Variants in CPED1 observed in about 807,000 individuals in gnomAD.
CPED1 encodes cadherin like and PC-esterase domain containing 1, also known as cadherin-like and PC-esterase domain-containing protein 1.
Under a neutral mutation model 128.2 loss-of-function variants are expected in CPED1, and 114 were observed. The ratio of observed to expected loss-of-function variants is 0.89; its 90% CI spans 0.76 to 1.04. The LOEUF is 1.04. CPED1 is among the 50% of genes least tolerant of loss of function. The pLI, the probability that CPED1 is intolerant of heterozygous loss-of-function variation, is 0.00. For synonymous variants in CPED1, 462 were observed against 426.7 expected (o/e 1.08, Z -1.02); for missense variants, 1,211 against 1,207.1 (o/e 1.00, Z -0.05).
chr7:121,127,962 C>T (rs941072280), intron 10 of CPED1, among the ~76,000 whole-genome samples: 1 of 152,070 alleles, frequency 6.6e-6, no homozygotes, highest in African/African-American at 2.4e-5. Flanking sequence ...TGTTAGAACT[C>T]TTTGGAGGCA....
intron 3 of CPED1, among the ~76,000 whole-genome samples, chr7:121,032,476 G>A (rs1792757828): frequency 1.4e-5 from 2 of 145,940 alleles, no homozygotes; most frequent in Non-Finnish European, 3.0e-5. Context: ...TAAGTAGGAG[G>A]TGAACAATGA....
In CPED1 at chr7:121,244,263, A is replaced by C. The variant is rs1798471041; in HGVS notation, c.2235A>C (p.Ile745=). 1.2e-6 allele frequency: 2 copies of C among 1,614,156 alleles called. No individual in the cohort carries two copies. The highest frequency in any genetic ancestry group is 8.5e-7 in the Non-Finnish European group (1 of 1,180,002). The change falls in exon 18 of 23, where the codon ATA becomes ATC. Residue 745 remains isoleucine, a synonymous_variant. Coordinates refer to ENST00000310396, the MANE Select transcript of CPED1 (RefSeq NM_024913.5). ...SDNRTCDWRE[I]TWQPHNCQYG... ...ACAGGACGTGTGACTGGAGAGAAAT[A>C]ACCTGGCAGCCCCACAACTGCCAAT...
chr7:121,187,744 C>T (rs1362303166), intron 16 of CPED1, among the ~76,000 whole-genome samples: 3 of 152,052 alleles, frequency 2.0e-5, no homozygotes, highest in African/African-American at 7.2e-5. Context: ...TTTTGCAACC[C>T]AGAATTATAA....
chr7:121,022,029 A>G (rs940632510), intron 3 of CPED1, among the ~76,000 whole-genome samples: 3 of 151,886 alleles, frequency 2.0e-5, no homozygotes, highest in African/African-American at 7.3e-5. Flanking sequence ...ACTCTCCTGG[A>G]TTATTCCCTT....
At chr7:121,289,654 T>C (rs74542924) in intron 22 of CPED1, among the ~76,000 whole-genome samples, 5,416 of 152,300 alleles carry the variant, frequency 0.036, 209 homozygotes, top group South Asian at 0.13. Flanking sequence ...TAAATTGTTA[T>C]ATAGAACTCA....
At position 121,225,787 on chromosome 7, in the gene CPED1, T is replaced by TA. The variant is rs772605521; in HGVS notation, c.2056-10926dup. Among the ~76,000 whole-genome samples, 6 of 152,092 alleles carry TA rather than the reference T, an allele frequency of 3.9e-5. No individual in the cohort carries two copies. The East Asian group carries it at 7.7e-4, about 20-fold the overall frequency. On this transcript the variant is annotated intron_variant, in intron 16 of 22. Coordinates refer to ENST00000310396, the MANE Select transcript of CPED1 (RefSeq NM_024913.5). ...ATCGAATCGGGTATTGAAGCTTGTG[T>TA]ATGCATCACGAAGTTCTCATGCCAT...
chr7:121,288,885 T>C (rs1584657366), intron 22 of CPED1, among the ~76,000 whole-genome samples: 2 of 152,346 alleles, frequency 1.3e-5, no homozygotes, highest in East Asian at 1.9e-4. Flanking sequence ...TCGAATGTTA[T>C]ATTTATGCTT....
At chr7:121,054,744 G>A (rs1206732463) in intron 4 of CPED1, among the ~76,000 whole-genome samples, 1 of 151,322 alleles carries the variant, frequency 6.6e-6, no homozygotes, top group Admixed American at 6.6e-5. Flanking sequence ...CAAATGCATA[G>A]TTATGCATCC....
In CPED1 at chr7:121,236,793, A is replaced by G; in HGVS notation, c.2135A>G (p.Gln712Arg). 1 of 1,607,750 alleles carries G rather than the reference A, an allele frequency of 6.2e-7. No individual in the cohort carries two copies. Among genetic ancestry groups the G allele is most frequent in the Non-Finnish European group, 8.5e-7 (1 of 1,176,928 alleles). Reference protein sequence around the residue: ...ISSDYIEAILQSELKRCPSGD... With the variant: ...ISSDYIEAILRSELKRCPSGD... ...TCTGACTACATTGAAGCCATTTTAC[A>G]GTCTGAACTAAAAAGATGTCCATCT... Residue 712 changes from glutamine to arginine, a missense_variant, in exon 17 of 23, where the codon CAG becomes CGG. Transcript: ENST00000310396.
Position 120,994,625 on chromosome 7 carries a change from C to CTGTGTGTGTGTGTGTG in CPED1, c.249+4775_249+4790dup, listed in dbSNP as rs35288728. Reference sequence around the variant, plus strand: ...TGGAGAATTCAAAGTATTTGTTATACTGTGTGTGTGTGTGTGTGTGTGTGT... The same window carrying CTGTGTGTGTGTGTGTG: ...TGGAGAATTCAAAGTATTTGTTATACTGTGTGTGTGTGTGTGTGTGTGTGTGTGTGTGTGTGTGTGT... On this transcript the variant is annotated intron_variant, in intron 2 of 22. Coordinates refer to ENST00000310396, the MANE Select transcript of CPED1 (RefSeq NM_024913.5). Among the ~76,000 whole-genome samples the CTGTGTGTGTGTGTGTG allele has an allele frequency of 9.6e-3, 1,381 of 144,604 alleles. 15 individuals carry two copies. Among genetic ancestry groups the CTGTGTGTGTGTGTGTG allele is most frequent in the African/African-American group, 0.02 (774 of 38,506 alleles). 94.9% of individuals were successfully genotyped at this position (144,604 alleles called of 152,430 possible).
At chr7:121,072,575 A>G (rs996009099) in intron 5 of CPED1, among the ~76,000 whole-genome samples, 1 of 152,138 alleles carries the variant, frequency 6.6e-6, no homozygotes, top group Admixed American at 6.6e-5. Context: ...AGCCAGCAGA[A>G]TGTGCTGATG....
intron 5 of CPED1, among the ~76,000 whole-genome samples, chr7:121,094,184 CCTTTAT>C (rs1183750566): frequency 7.9e-5 from 12 of 152,140 alleles, no homozygotes; most frequent in African/African-American, 2.4e-4. Context: ...TTAAGTAAGG[CCTTTAT>C]CTTTATTGAA....
rs535469986 is a variant in CPED1 at position 121,216,436 on chromosome 7, G to A, written c.2056-20278G>A. The stretch of plus-strand genomic sequence containing the variant: ...AGGGCCACACATATCAGCAAGAGAG[G>A]TATGGAAATGTCCTCTAATTGAGTT... On this transcript the variant is annotated intron_variant, in intron 16 of 22. Coordinates refer to ENST00000310396, the MANE Select transcript of CPED1 (RefSeq NM_024913.5). Among the ~76,000 whole-genome samples, 3 of 152,110 alleles carry A rather than the reference G, an allele frequency of 2.0e-5. No individual in the cohort carries two copies. In the South Asian group the frequency reaches 6.2e-4, roughly 32 times the overall value.
intron 4 of CPED1, among the ~76,000 whole-genome samples, chr7:121,056,079 A>C (rs896474296): frequency 2.0e-5 from 3 of 152,146 alleles, no homozygotes; most frequent in Admixed American, 6.5e-5. Context: ...ATGATTAATC[A>C]CATGGAAATG....
At chr7:121,219,243 G>A (rs530268489) in intron 16 of CPED1, among the ~76,000 whole-genome samples, 4 of 152,012 alleles carry the variant, frequency 2.6e-5, no homozygotes, top group African/African-American at 7.2e-5. Flanking sequence ...CTACCTCACT[G>A]GAAGTGGGTA....
intron 3 of CPED1, among the ~76,000 whole-genome samples, chr7:121,032,954 G>A (rs1792774147): frequency 6.6e-6 from 1 of 152,138 alleles, no homozygotes; most frequent in African/African-American, 2.4e-5. Context: ...TCATTACCCA[G>A]CTTCCTCTGT....
intron 7 of CPED1, among the ~76,000 whole-genome samples, chr7:121,118,643 G>C (rs1795311644): frequency 6.6e-6 from 1 of 151,826 alleles, no homozygotes; most frequent in East Asian, 1.9e-4. Context: ...GTGTTGCTGT[G>C]AGTATCTGAG....
chr7:121,003,872 C>A (rs1791932841), intron 2 of CPED1, among the ~76,000 whole-genome samples: 1 of 152,050 alleles, frequency 6.6e-6, no homozygotes, highest in Admixed American at 6.6e-5. Context: ...GAGTGAATAG[C>A]CATGAGGGTA....
At chr7:121,069,643 A>G (rs1793940007) in intron 5 of CPED1, among the ~76,000 whole-genome samples, 2 of 152,122 alleles carry the variant, frequency 1.3e-5, no homozygotes, top group Admixed American at 1.3e-4. Context: ...GCTAGCACAA[A>G]GATTTATTTT....
Sources: gnomAD v4.1 joint callset for allele counts (sites outside exome capture counted in the v4.1 genomes callset) on GRCh38, gnomAD v4.1.1 for gene constraint, MANE v1.5 for transcripts, NCBI Gene and HGNC (gene_info 2026-07-23, HGNC 2026-07-21) for gene names.